ZNF90: variants seen among roughly 807,000 people sequenced by gnomAD.
ZNF90 encodes the protein zinc finger protein 90.
Under a neutral mutation model 12.0 loss-of-function variants are expected in ZNF90, and 11 were observed. The ratio of observed to expected loss-of-function variants is 0.92; its 90% CI spans 0.58 to 1.52. The LOEUF is 1.52. Among genes scored for constraint, ZNF90 ranks in the 40% most tolerant of loss-of-function variants. ZNF90 has a pLI of 0.00. For synonymous variants in ZNF90, 232 were observed against 240.1 expected, an observed-to-expected ratio of 0.97 and a Z score of 0.31; for missense variants, 765 against 711.5, an observed-to-expected ratio of 1.08 and a Z score of -0.86.
At position 20,086,432 on chromosome 19, in the gene ZNF90, TA is replaced by T. The variant is rs2088860534; in HGVS notation, c.3+8298del. Among the ~76,000 whole-genome samples the T allele has an allele frequency of 2.6e-5, 4 of 151,954 alleles. No individual in the cohort carries two copies. In the South Asian group the frequency reaches 8.3e-4, roughly 32 times the overall value. On this transcript the variant is annotated intron_variant, in intron 1 of 3. Transcript: ENST00000418063. ...TGTATTTATAGTAGGGATGGTGTGT[TA>T]TCATGTTCACCAGCTTAATCTTGAA...
intron 1 of ZNF90, among the ~76,000 whole-genome samples, chr19:20,094,762 A>G (rs1555703068): frequency 6.6e-6 from 1 of 151,200 alleles, no homozygotes; most frequent in Non-Finnish European, 1.5e-5. Flanking sequence ...TGTAGGACAG[A>G]GTTAGACATT....
At chr19:20,091,625 G>A (rs1057480483) in intron 1 of ZNF90, among the ~76,000 whole-genome samples, 2 of 152,130 alleles carry the variant, frequency 1.3e-5, no homozygotes, top group African/African-American at 4.8e-5. Flanking sequence ...TAGAGCAATG[G>A]GATCTGATGC....
intron 1 of ZNF90, among the ~76,000 whole-genome samples, chr19:20,097,763 T>C (rs2088960219): frequency 6.6e-6 from 1 of 152,228 alleles, no homozygotes; most frequent in East Asian, 1.9e-4. Flanking sequence ...TTTCTCCCTT[T>C]GAACTATGTA....
intron 3 of ZNF90, among the ~76,000 whole-genome samples, 167 bp downstream of exon 3, chr19:20,105,483 A>G (rs535654422): frequency 2.6e-5 from 4 of 152,198 alleles, no homozygotes; most frequent in Non-Finnish European, 5.9e-5. Context: ...ACAAAGGGAC[A>G]TCTTCTGTCT....
In ZNF90 at chr19:20,118,198, A is replaced by G; in HGVS notation, c.644A>G (p.His215Arg). The G allele has an allele frequency of 6.2e-7, 1 of 1,608,384 alleles. No individual in the cohort carries two copies. Among genetic ancestry groups the G allele is most frequent in the Non-Finnish European group, 8.5e-7 (1 of 1,177,734 alleles). ...ECGKAFNRSS[H>R]LTSHKRIHTG... ...GGCAAAGCCTTCAACAGGTCCTCAC[A>G]CCTTACTTCACATAAGAGAATTCAT... is the stretch of plus-strand genomic sequence containing the variant. Residue 215 changes from histidine to arginine, a missense_variant, in exon 4 of 4, where the codon CAC becomes CGC. His to Arg is a conservative substitution (Grantham distance 29, BLOSUM62 0). Transcript: ENST00000418063.
At chr19:20,107,523 CA>C (rs1459776342) in intron 3 of ZNF90, among the ~76,000 whole-genome samples, 1 of 152,176 alleles carries the variant, frequency 6.6e-6, no homozygotes, top group Non-Finnish European at 1.5e-5. Context: ...ATAATGCATG[CA>C]GGTCTCAAAA....
chr19:20,096,262 A>G (rs2088944550), intron 1 of ZNF90, among the ~76,000 whole-genome samples: 1 of 152,192 alleles, frequency 6.6e-6, no homozygotes, highest in South Asian at 2.1e-4. Context: ...AATCTTTCTC[A>G]TGGAGCAAAG....
At chr19:20,092,646 T>C (rs922264310) in intron 1 of ZNF90, among the ~76,000 whole-genome samples, 3 of 152,180 alleles carry the variant, frequency 2.0e-5, no homozygotes, top group Non-Finnish European at 4.4e-5. Context: ...TATCCAACCA[T>C]GCCGAGGAAG....
At position 20,104,245 on chromosome 19, in the gene ZNF90, T is replaced by C. The variant is rs782151364; in HGVS notation, c.10T>C (p.Leu4=). The C allele has an allele frequency of 2.7e-5, 43 of 1,613,758 alleles. No individual in the cohort carries two copies. Among genetic ancestry groups the C allele is most frequent in the East Asian group, 8.9e-5 (4 of 44,852 alleles). The change falls in exon 2 of 4, where the codon TTG becomes CTG. Residue 4 remains leucine, a synonymous_variant. Coordinates refer to ENST00000418063, the MANE Select transcript of ZNF90 (RefSeq NM_007138.2). MGP[L]EFRDVAIEFS... is the part of the protein sequence containing the mutation. ...GTATATGTGTGTTTTTCAGGGACCA[T>C]TGGAATTTAGAGATGTGGCCATAGA... is the stretch of plus-strand genomic sequence containing the variant.
intron 3 of ZNF90, among the ~76,000 whole-genome samples, chr19:20,108,731 C>CCT (rs1555704698): frequency 8.3e-6 from 1 of 119,976 alleles, no homozygotes; most frequent in African/African-American, 3.2e-5. Flanking sequence ...GTAGGTTTCT[C>CCT]TTTTTTTTTT....
intron 3 of ZNF90, among the ~76,000 whole-genome samples, chr19:20,110,160 T>A (rs924310083): frequency 6.6e-6 from 1 of 152,228 alleles, no homozygotes; most frequent in African/African-American, 2.4e-5. Flanking sequence ...TATATGTTAC[T>A]TTTTTTGATG....
intron 1 of ZNF90, among the ~76,000 whole-genome samples, chr19:20,103,971 T>C (rs2089009899): frequency 6.6e-6 from 1 of 152,242 alleles, no homozygotes; most frequent in South Asian, 2.1e-4. Flanking sequence ...AAAATGTACA[T>C]GTTCATGTTC....
intron 3 of ZNF90, among the ~76,000 whole-genome samples, chr19:20,113,762 A>C (rs1239896119): frequency 6.6e-6 from 1 of 152,032 alleles, no homozygotes; most frequent in Non-Finnish European, 1.5e-5. Context: ...CGGGAGGCAG[A>C]GCTTGCAGTG....
At position 20,118,633 on chromosome 19, in the gene ZNF90, A is replaced by G. The variant is rs1287170519; in HGVS notation, c.1079A>G (p.Lys360Arg). ...CGCTCCTTAGTCCTTCGTACACATA[A>G]GAGAATTCATACTGGAGAGAAACCC... ...FRRSLVLRTH[K>R]RIHTGEKPYK... Residue 360 changes from lysine to arginine, a missense_variant, in exon 4 of 4, where the codon AAG becomes AGG. Transcript: ENST00000418063. The G allele has an allele frequency of 6.2e-7, 1 of 1,612,068 alleles. No homozygotes were observed. Among genetic ancestry groups the G allele is most frequent in the African/African-American group, 1.3e-5 (1 of 74,790 alleles).
intron 1 of ZNF90, among the ~76,000 whole-genome samples, chr19:20,079,595 G>A (rs1300224182): frequency 6.6e-6 from 1 of 151,928 alleles, no homozygotes; most frequent in Non-Finnish European, 1.5e-5. Context: ...AGGTGGGAGG[G>A]GAATGGCAAA....
intron 1 of ZNF90, among the ~76,000 whole-genome samples, chr19:20,081,394 G>A (rs1011895131): frequency 1.3e-5 from 2 of 152,000 alleles, no homozygotes; most frequent in East Asian, 3.9e-4. Flanking sequence ...TCACCATGTT[G>A]GCCACGCTGG....
At position 20,105,855 on chromosome 19, in the gene ZNF90, A is replaced by G. The variant is rs143449125; in HGVS notation, c.226+539A>G. Among the ~76,000 whole-genome samples the G allele has an allele frequency of 9.0e-3, 1,371 of 152,156 alleles. 30 individuals carry two copies. The highest frequency in any genetic ancestry group is 0.031 in the African/African-American group (1,293 of 41,530). ...AGATTGCTTTGGCTATTCAAAGTTT[A>G]TTTTAGTTTCATGTAAATTTTAGAA... On this transcript the variant is annotated intron_variant, in intron 3 of 3. Coordinates refer to ENST00000418063, the MANE Select transcript of ZNF90 (RefSeq NM_007138.2).
chr19:20,090,707 T>C (rs2088895578), intron 1 of ZNF90, among the ~76,000 whole-genome samples: 1 of 152,152 alleles, frequency 6.6e-6, no homozygotes, highest in Non-Finnish European at 1.5e-5. Flanking sequence ...GACTGGAAGA[T>C]AGTCACCTAG....
At position 20,101,021 on chromosome 19, in the gene ZNF90, C is replaced by A. The variant is rs113908368; in HGVS notation, c.4-3218C>A. On this transcript the variant is annotated intron_variant, in intron 1 of 3. Transcript: ENST00000418063. ...TCTGTTTTCACTCTATTAAATCTTG[C>A]AACTGCACACTCTTCTGGTCTGTTT... Among the ~76,000 whole-genome samples, 610 of 152,176 alleles carry A rather than the reference C, an allele frequency of 4.0e-3. 5 individuals carry two copies. Among genetic ancestry groups the A allele is most frequent in the African/African-American group, 0.014 (583 of 41,518 alleles).
Sources: allele counts gnomAD v4.1 joint callset (sites outside exome capture counted in the v4.1 genomes callset), GRCh38; gene constraint gnomAD v4.1.1; transcripts MANE v1.5; gene names NCBI Gene and HGNC (gene_info 2026-07-23, HGNC 2026-07-21).